Variants in YWHAQ observed in about 807,000 individuals in gnomAD.
YWHAQ encodes tyrosine 3-monooxygenase/tryptophan 5-monooxygenase activation protein theta.
Under a neutral mutation model 28.3 loss-of-function variants are expected in YWHAQ, and 6 were observed. The ratio of observed to expected loss-of-function variants is 0.21; its 90% CI spans 0.12 to 0.42. YWHAQ has a LOEUF of 0.42. YWHAQ is among the 10% of genes least tolerant of loss of function. The pLI, the probability that YWHAQ is intolerant of heterozygous loss-of-function variation, is 1.00. For missense variants in YWHAQ, 201 were observed against 305.6 expected, an observed-to-expected ratio of 0.66 and a Z score of 2.55; for synonymous variants, 143 against 119.1, an observed-to-expected ratio of 1.20 and a Z score of -1.31.
At chr2:9,618,641 C>T (rs1390520717) in intron 2 of YWHAQ, among the ~76,000 whole-genome samples, 1 of 151,686 alleles carries the variant, frequency 6.6e-6, no homozygotes, top group African/African-American at 2.4e-5. Flanking sequence ...AGTTAGCTCA[C>T]AGGCACATAC....
chr2:9,587,293 T>C, intron 5 of YWHAQ, 121 bp downstream of exon 5: 1 of 829,380 alleles, frequency 1.2e-6, no homozygotes, highest in Non-Finnish European at 1.8e-6. Context: ...CATAAAATAC[T>C]AACACGTATC....
At chr2:9,618,052 A>G (rs1667069824) in intron 2 of YWHAQ, among the ~76,000 whole-genome samples, 1 of 152,212 alleles carries the variant, frequency 6.6e-6, no homozygotes, top group African/African-American at 2.4e-5. Context: ...AAATGTCCAG[A>G]AGAGGCAAAT....
chr2:9,586,702 A>T (rs984298297), intron 5 of YWHAQ, among the ~76,000 whole-genome samples: 1 of 152,190 alleles, frequency 6.6e-6, no homozygotes, highest in Non-Finnish European at 1.5e-5. Flanking sequence ...TAATATTTAA[A>T]AAATCCTATC....
In YWHAQ at chr2:9,612,436, T is replaced by C. The variant is rs1666966616; in HGVS notation, c.294+17723A>G. The stretch of plus-strand genomic sequence containing the variant: ...TAGAGCTTCCAGGTAATTTAAATGG[T>C]AAAGAGATATTGATCCCCTTAGTAA... On this transcript the variant is annotated intron_variant, in intron 2 of 5. Transcript: ENST00000238081. Among the ~76,000 whole-genome samples, 4 of 152,182 alleles carry C rather than the reference T, an allele frequency of 2.6e-5. No homozygotes were observed. In the South Asian group the frequency reaches 8.3e-4, roughly 32 times the overall value.
chr2:9,619,596 T>C (rs1429648545), intron 2 of YWHAQ, among the ~76,000 whole-genome samples: 1 of 151,766 alleles, frequency 6.6e-6, no homozygotes, highest in Non-Finnish European at 1.5e-5. Flanking sequence ...TGTAAAAAAA[T>C]TAAAAATATA....
rs1422536943 is a variant in YWHAQ at position 9,630,573 on chromosome 2, A to T, written c.-82-39T>A. Reference sequence around the variant, plus strand: ...GGGCGGCGAGGCGAGAACAAAAAGCAGAGAGGGAGCGCCGTCAGACAATGC... The same window carrying T: ...GGGCGGCGAGGCGAGAACAAAAAGCTGAGAGGGAGCGCCGTCAGACAATGC... On this transcript the variant is annotated intron_variant, in intron 1 of 5. Coordinates refer to ENST00000238081, the MANE Select transcript of YWHAQ (RefSeq NM_006826.4). The surrounding 1 kb of genome is among the most constrained non-coding windows in gnomAD (Gnocchi z 5.6). 12 of 1,008,516 alleles carry T rather than the reference A, an allele frequency of 1.2e-5. No homozygotes were observed. Among genetic ancestry groups the T allele is most frequent in the Non-Finnish European group, 1.7e-5 (12 of 715,950 alleles). The allele number at this position is 1,008,516 out of a possible 1,614,324, so 62.5% of individuals were successfully genotyped here.
rs533910163 is a variant in YWHAQ at position 9,620,962 on chromosome 2, A to T, written c.294+9197T>A. The stretch of plus-strand genomic sequence containing the variant: ...CTCATAGGGCAAAGTATAGTCTGGG[A>T]ACCCCTAGAGGTCTCCCCTATATCC... On this transcript the variant is annotated intron_variant, in intron 2 of 5. Coordinates refer to ENST00000238081, the MANE Select transcript of YWHAQ (RefSeq NM_006826.4). Among the ~76,000 whole-genome samples the T allele has an allele frequency of 9.2e-5, 14 of 152,310 alleles. No individual in the cohort carries two copies. In the East Asian group the frequency reaches 2.7e-3, roughly 29 times the overall value.
Position 9,585,259 on chromosome 2 carries a change from G to T in YWHAQ, c.*27C>A. Reference sequence around the variant, plus strand: ...AGATGTGTAAAAAGGTTTCTTGAAGGAAAGAAGGATGACACCCTGTATGGA... The same window carrying T: ...AGATGTGTAAAAAGGTTTCTTGAAGTAAAGAAGGATGACACCCTGTATGGA... On this transcript the variant is annotated 3_prime_UTR_variant, in exon 6 of 6. Transcript: ENST00000238081. 1 of 1,613,550 alleles carries T rather than the reference G, an allele frequency of 6.2e-7. No individual in the cohort carries two copies. The highest frequency in any genetic ancestry group is 8.5e-7 in the Non-Finnish European group (1 of 1,179,742).
intron 2 of YWHAQ, among the ~76,000 whole-genome samples, chr2:9,614,233 G>A (rs1223895601): frequency 2.0e-5 from 3 of 152,164 alleles, no homozygotes. Context: ...TTCCAAATCT[G>A]TCAATCTGCA....
rs1667356592 is a variant in YWHAQ, at chr2:9,630,696, G to A, written c.-82-162C>T. ...TGGGCACCCGGGGAGGCCGCGGCCC[G>A]CGGCTGGAGGAGGCGGGGGCGGCGC... On this transcript the variant is annotated intron_variant, in intron 1 of 5. Transcript: ENST00000238081. This position sits in a 1 kb window ranked among gnomAD's most constrained non-coding sequence, Gnocchi z 5.6. 2 of 253,928 alleles carry A rather than the reference G, an allele frequency of 7.9e-6. No homozygotes were observed. The highest frequency in any genetic ancestry group is 4.5e-5 in the African/African-American group (2 of 43,968). The allele number at this position is 253,928 out of a possible 1,614,324, so 15.7% of individuals were successfully genotyped here.
Position 9,630,580 on chromosome 2 carries a change from G to C in YWHAQ, c.-82-46C>G, listed in dbSNP as rs1471801164. The C allele has an allele frequency of 4.2e-6, 4 of 955,440 alleles. No homozygotes were observed. The highest frequency in any genetic ancestry group is 6.2e-5 in the Admixed American group (2 of 32,240). 59.2% of individuals were successfully genotyped at this position (955,440 alleles called of 1,614,324 possible). A position where few individuals can be genotyped will look rare whatever the true frequency, so the allele number is the denominator to read the frequency against. ...GAGGCGAGAACAAAAAGCAGAGAGGGAGCGCCGTCAGACAATGCGGCCCGC... is the reference window on the plus strand; with the variant it reads ...GAGGCGAGAACAAAAAGCAGAGAGGCAGCGCCGTCAGACAATGCGGCCCGC... On this transcript the variant is annotated intron_variant, in intron 1 of 5. Transcript: ENST00000238081. The surrounding 1 kb of genome is among the most constrained non-coding windows in gnomAD (Gnocchi z 5.6).
chr2:9,585,134 G>A lies in YWHAQ; in HGVS notation c.*152C>T. On this transcript the variant is annotated 3_prime_UTR_variant, in exon 6 of 6. Coordinates refer to ENST00000238081, the MANE Select transcript of YWHAQ (RefSeq NM_006826.4). ...AGACAAACACAAATCAAGGAATGAAGTTTTCCCAAAGCTGCAGTGTGAAAA... is the reference window on the plus strand; with the variant it reads ...AGACAAACACAAATCAAGGAATGAAATTTTCCCAAAGCTGCAGTGTGAAAA... The A allele has an allele frequency of 1.2e-6, 1 of 815,254 alleles. No homozygotes were observed. 50.5% of individuals were successfully genotyped at this position (815,254 alleles called of 1,614,324 possible).
At chr2:9,620,922 T>C (rs549449180) in intron 2 of YWHAQ, among the ~76,000 whole-genome samples, 1 of 152,260 alleles carries the variant, frequency 6.6e-6, no homozygotes. Context: ...TACTATTAAC[T>C]TCAGTAATTA....
At chr2:9,629,401 A>C (rs1303377742) in intron 2 of YWHAQ, among the ~76,000 whole-genome samples, 3 of 152,208 alleles carry the variant, frequency 2.0e-5, no homozygotes, top group Admixed American at 1.3e-4. Context: ...ATAAGGGTGA[A>C]TCACAGCAGC....
chr2:9,590,934 C>T (rs1274360445), intron 3 of YWHAQ, among the ~76,000 whole-genome samples: 1 of 152,148 alleles, frequency 6.6e-6, no homozygotes, highest in Non-Finnish European at 1.5e-5. Flanking sequence ...AATGTTATGA[C>T]CCCTTAAAAT....
Position 9,630,143 on chromosome 2 carries a change from C to T in YWHAQ, c.294+16G>A, listed in dbSNP as rs1322650957. On this transcript the variant is annotated intron_variant, in intron 2 of 5. Transcript: ENST00000238081. The surrounding 1 kb of genome is among the most constrained non-coding windows in gnomAD (Gnocchi z 5.6). ...CTCACAAAAGGCCTCCCCTGCTCCCCGCGCCGAGGACTCACCAGCACCGTG... is the reference window on the plus strand; with the variant it reads ...CTCACAAAAGGCCTCCCCTGCTCCCTGCGCCGAGGACTCACCAGCACCGTG... The T allele has an allele frequency of 7.5e-6, 12 of 1,601,002 alleles. No homozygotes were observed. The African/African-American group carries it at 1.3e-4, about 18-fold the overall frequency.
chr2:9,629,581 G>A (rs1257274932), intron 2 of YWHAQ, among the ~76,000 whole-genome samples: 1 of 151,824 alleles, frequency 6.6e-6, no homozygotes, highest in African/African-American at 2.4e-5. Flanking sequence ...CCAGGACATT[G>A]TGTTCTTCAG....
At chr2:9,597,704 A>C (rs1313704031) in intron 2 of YWHAQ, among the ~76,000 whole-genome samples, 4 of 151,572 alleles carry the variant, frequency 2.6e-5, no homozygotes, top group Non-Finnish European at 5.9e-5. Context: ...TGATGAATCA[A>C]CCCCATTCTG....
chr2:9,595,820 A>G (rs1296113432), intron 2 of YWHAQ, among the ~76,000 whole-genome samples: 1 of 152,102 alleles, frequency 6.6e-6, no homozygotes, highest in Non-Finnish European at 1.5e-5. Flanking sequence ...CTCGTTAGCA[A>G]ATTTTATTAT....
Sources: gnomAD v4.1 joint callset for allele counts (sites outside exome capture counted in the v4.1 genomes callset) on GRCh38, gnomAD v4.1.1 for gene constraint, Gnocchi (gnomAD v3.1) non-coding constraint, MANE v1.5 for transcripts, NCBI Gene and HGNC (gene_info 2026-07-23, HGNC 2026-07-21) for gene names.